The following EPHA5 variants were observed in gnomAD, a reference collection of about 807,000 sequenced individuals.
The protein encoded by EPHA5 is EPH receptor A5, also known as ephrin type-A receptor 5.
EPHA5 carries 60 observed loss-of-function variants against 105.0 expected under a neutral mutation model. The ratio of observed to expected loss-of-function variants is 0.57; its 90% CI spans 0.46 to 0.71. The LOEUF (loss-of-function observed/expected upper bound fraction) is 0.71. Ranked by LOEUF, EPHA5 falls within the 30% of genes least tolerant of loss-of-function variation. The pLI is 0.00. For missense variants in EPHA5, 1,218 were observed against 1,274.7 expected, an observed-to-expected ratio of 0.96 and a Z score of 0.68; for synonymous variants, 513 against 449.1, an observed-to-expected ratio of 1.14 and a Z score of -1.80.
chr4:65,578,690 G>T (rs548900774), intron 3 of EPHA5, among the ~76,000 whole-genome samples: 39 of 152,110 alleles, frequency 2.6e-4, no homozygotes, highest in Non-Finnish European at 4.6e-4. Flanking sequence ...CGAGAGTACC[G>T]AAAGGACACT....
Position 65,324,161 on chromosome 4 carries a change from G to C in EPHA5, c.3004C>G (p.Leu1002Val). Residue 1002 changes from leucine (L) to valine (V), a missense_variant, in exon 17 of 17, where the codon CTT (leucine) becomes GTT (valine). Physicochemically the swap from Leu to Val is conservative, Grantham distance 32. This residue lies in a region of EPHA5 where 971 missense variants were observed against 1,013.5 expected (regional missense o/e 0.96). Transcript: ENST00000613740. ...ACCAGCTGCACCTTCATTTCTTGAA[G>C]GCTGTTCATGATCTTCTTCTGGTGA... ...VGHQKKIMNS[L>V]QEMKVQLVNG... The C allele has an allele frequency of 6.2e-7, 1 of 1,609,546 alleles. No homozygotes were observed. Among genetic ancestry groups the C allele is most frequent in the Non-Finnish European group, 8.5e-7 (1 of 1,177,088 alleles).
chr4:65,418,679 A>G (rs1723625522), intron 6 of EPHA5, among the ~76,000 whole-genome samples: 2 of 152,088 alleles, frequency 1.3e-5, no homozygotes, highest in African/African-American at 4.8e-5. Context: ...TCAATATACG[A>G]ACATTGTAGA....
chr4:65,500,710 C>G (rs1364707297), intron 3 of EPHA5, among the ~76,000 whole-genome samples: 1 of 148,646 alleles, frequency 6.7e-6, no homozygotes, highest in African/African-American at 2.5e-5. Flanking sequence ...GAAATATGGC[C>G]CACCAAGAAA....
intron 5 of EPHA5, among the ~76,000 whole-genome samples, chr4:65,441,032 T>C (rs1000387245): frequency 6.6e-6 from 1 of 152,014 alleles, no homozygotes; most frequent in Non-Finnish European, 1.5e-5. Context: ...AACTTATTTC[T>C]CCACAAATAA....
intron 3 of EPHA5, among the ~76,000 whole-genome samples, chr4:65,538,089 T>C (rs1736464133): frequency 6.6e-6 from 1 of 151,832 alleles, no homozygotes; most frequent in African/African-American, 2.4e-5. Context: ...AATTCGTCAT[T>C]GCTCAGCTGG....
chr4:65,396,434 GA>G (rs34412585), intron 8 of EPHA5, among the ~76,000 whole-genome samples: 11,795 of 152,168 alleles, frequency 0.078, 757 homozygotes, highest in African/African-American at 0.17. Flanking sequence ...GACTACCACT[GA>G]AAAGCAGGCC....
chr4:65,588,340 C>T (rs1301435841), intron 3 of EPHA5, among the ~76,000 whole-genome samples: 1 of 152,128 alleles, frequency 6.6e-6, no homozygotes, highest in Non-Finnish European at 1.5e-5. Context: ...GCTTTTTACA[C>T]TGCACTTGAA....
rs1163305557 is a variant in EPHA5 at position 65,404,445 on chromosome 4, A to C, written c.1722T>G (p.Pro574=). The change falls in exon 8 of 17, where the codon CCT becomes CCG. Residue 574 remains proline, a synonymous_variant. Coordinates refer to ENST00000613740, the MANE Select transcript of EPHA5 (RefSeq NM_001281766.3). ...VAASSDQSQI[P]VIAVSVTVGV... The stretch of plus-strand genomic sequence containing the variant: ...CCACTGTCACAGACACAGCAATTAC[A>C]GGAATCTGGCTTTGATCGCTGGATG... The C allele has an allele frequency of 6.2e-7, 1 of 1,613,684 alleles. No individual in the cohort carries two copies. Among genetic ancestry groups the C allele is most frequent in the Non-Finnish European group, 8.5e-7 (1 of 1,179,796 alleles).
At chr4:65,340,088 A>T (rs971188319) in intron 14 of EPHA5, among the ~76,000 whole-genome samples, 4 of 152,120 alleles carry the variant, frequency 2.6e-5, no homozygotes, top group Admixed American at 6.5e-5. Context: ...TGGTATAAAT[A>T]CTCTCTCTAT....
In EPHA5 at chr4:65,321,385, C is replaced by T. The variant is rs1166111638; in HGVS notation, c.*2729G>A. ...TCACTACATTTTACTAGAGTTGGCT[C>T]CTCTCCTTGTTCCATTTCTCACACT... On this transcript the variant is annotated 3_prime_UTR_variant, in exon 17 of 17. Coordinates refer to ENST00000613740, the MANE Select transcript of EPHA5 (RefSeq NM_001281766.3). 4.3e-6 allele frequency: 1 copy of T among 230,256 alleles called. No individual in the cohort carries two copies. The allele number at this position is 230,256 out of a possible 1,614,324, so 14.3% of individuals were successfully genotyped here. A position where few individuals can be genotyped will look rare whatever the true frequency, so the allele number is the denominator to read the frequency against.
At chr4:65,339,886 C>T (rs572917111) in intron 14 of EPHA5, among the ~76,000 whole-genome samples, 61 of 152,240 alleles carry the variant, frequency 4.0e-4, no homozygotes, top group African/African-American at 1.3e-3. Context: ...TGGGGAGAAC[C>T]CGCATGGTCC....
chr4:65,438,582 T>C (rs1347707459), intron 5 of EPHA5, among the ~76,000 whole-genome samples: 3 of 151,918 alleles, frequency 2.0e-5, no homozygotes, highest in South Asian at 4.1e-4. Context: ...AGGAGAGTTA[T>C]GAAAGGATTT....
chr4:65,554,974 A>C (rs1738268873), intron 3 of EPHA5, among the ~76,000 whole-genome samples: 1 of 107,542 alleles, frequency 9.3e-6, no homozygotes, highest in Non-Finnish European at 1.8e-5. Flanking sequence ...TCACCCCTAT[A>C]CAACAGCAAA....
chr4:65,332,895 T>A (rs1219014596), intron 15 of EPHA5, among the ~76,000 whole-genome samples: 1 of 151,912 alleles, frequency 6.6e-6, no homozygotes, highest in African/African-American at 2.4e-5. Context: ...AGTAAATTTA[T>A]CTGGAAGTTA....
chr4:65,366,893 G>C (rs1301295961), intron 9 of EPHA5, among the ~76,000 whole-genome samples: 38 of 151,446 alleles, frequency 2.5e-4, no homozygotes, highest in Non-Finnish European at 1.5e-5. Context: ...TTTAAAGCAA[G>C]GTCTTTTTAA....
chr4:65,353,721 G>C (rs1168703203), intron 11 of EPHA5, among the ~76,000 whole-genome samples: 2 of 151,612 alleles, frequency 1.3e-5, no homozygotes, highest in Non-Finnish European at 2.9e-5. Flanking sequence ...CTATCTAACT[G>C]CCCTGTTTAT....
intron 3 of EPHA5, among the ~76,000 whole-genome samples, chr4:65,505,532 G>A (rs1027554965): frequency 6.6e-6 from 1 of 152,014 alleles, no homozygotes; most frequent in Non-Finnish European, 1.5e-5. Context: ...AAAGCTTCTA[G>A]CACCTTATTT....
intron 2 of EPHA5, among the ~76,000 whole-genome samples, chr4:65,633,241 T>C (rs1304239874): frequency 6.6e-6 from 1 of 152,056 alleles, no homozygotes; most frequent in Non-Finnish European, 1.5e-5. Context: ...GATTACAGTA[T>C]ATTTTTTCTC....
chr4:65,522,314 A>G (rs1274492855), intron 3 of EPHA5, among the ~76,000 whole-genome samples: 4 of 122,152 alleles, frequency 3.3e-5, no homozygotes, highest in African/African-American at 9.0e-5. Context: ...GTATATATAT[A>G]TGTATATATA....
Sources: allele counts gnomAD v4.1 joint callset (sites outside exome capture counted in the v4.1 genomes callset), GRCh38; gene constraint gnomAD v4.1.1; regional missense constraint gnomAD v4.1.1; transcripts MANE v1.5; gene names NCBI Gene and HGNC (gene_info 2026-07-23, HGNC 2026-07-21).